Variants in ZNF467 observed in about 807,000 individuals in gnomAD.
The protein encoded by ZNF467 is zinc finger protein 467, also known as zinc finger protein EZI.
In ZNF467, 51 loss-of-function variants were observed where a neutral mutation model predicts 47.8. That is an observed-to-expected ratio of 1.07 (90% CI 0.85 to 1.35). ZNF467 has a LOEUF of 1.35. Among genes scored for constraint, ZNF467 ranks in the 40% most tolerant of loss-of-function variants. ZNF467 has a pLI of 0.00. For missense variants in ZNF467, 992 were observed against 858.1 expected (o/e 1.16, Z -1.95); for synonymous variants, 416 against 372.9 (o/e 1.12, Z -1.33).
At chr7:149,766,983 C>T (rs970691448) in intron 4 of ZNF467, among the ~76,000 whole-genome samples, 1 of 152,204 alleles carries the variant, frequency 6.6e-6, no homozygotes, top group African/African-American at 2.4e-5. Flanking sequence ...AGGGAAGGCC[C>T]TCTAGGGAAG....
At position 149,766,125 on chromosome 7, in the gene ZNF467, T is replaced by G; in HGVS notation, c.377A>C (p.Asp126Ala). 6.2e-7 allele frequency: 1 copy of G among 1,605,984 alleles called. No homozygotes were observed. Among genetic ancestry groups the G allele is most frequent in the Non-Finnish European group, 8.5e-7 (1 of 1,174,650 alleles). ...SLLPSPFPAPDLGHLAAAYKL... is the reference protein window; with the variant it reads ...SLLPSPFPAPALGHLAAAYKL... The stretch of plus-strand genomic sequence containing the variant: ...GTACGCGGCAGCCAGATGCCCCAGG[T>G]CAGGCGCGGGAAAGGGGCTGGGAAG... The change falls in exon 5 of 5, where the codon GAC becomes GCC. Residue 126 changes from aspartate to alanine, a missense_variant. Asp to Ala is a moderately radical substitution (Grantham distance 126). Coordinates refer to ENST00000302017, the MANE Select transcript of ZNF467 (RefSeq NM_207336.3).
At position 149,764,690 on chromosome 7, in the gene ZNF467, A is replaced by G. The variant is rs1472592717; in HGVS notation, c.*24T>C. The G allele has an allele frequency of 1.3e-6, 2 of 1,583,344 alleles. No homozygotes were observed. The highest frequency in any genetic ancestry group is 1.7e-6 in the Non-Finnish European group (2 of 1,161,728). On this transcript the variant is annotated 3_prime_UTR_variant, in exon 5 of 5. Transcript: ENST00000302017. ...CGGGCCTCTCGAAACTGTGGGCAAG[A>G]AAGGGTCCTCGTGAGAACTAGGCTC... is the stretch of plus-strand genomic sequence containing the variant.
rs1376009904 is a variant in ZNF467, at chr7:149,769,172, A to G, written c.180T>C (p.Gly60=). The G allele has an allele frequency of 1.9e-6, 3 of 1,560,796 alleles. No homozygotes were observed. In the African/African-American group the frequency reaches 4.1e-5, roughly 21 times the overall value. ...SGHEAPTPEE[G]AHTEQAEAPC... is the part of the protein sequence containing the mutation. ...GAGCCTCGGCTTGTTCTGTGTGGGCACCTTCCTCCGGTGTAGGGGCCTCGT... is the reference window on the plus strand; with the variant it reads ...GAGCCTCGGCTTGTTCTGTGTGGGCGCCTTCCTCCGGTGTAGGGGCCTCGT... Residue 60 remains glycine, a synonymous_variant, in exon 4 of 5, where the codon GGT becomes GGC. Coordinates refer to ENST00000302017, the MANE Select transcript of ZNF467 (RefSeq NM_207336.3). The surrounding 1 kb of genome is among the most constrained non-coding windows in gnomAD (Gnocchi z 5.3).
At chr7:149,772,123 A>C (rs1585960160) in intron 1 of ZNF467, among the ~76,000 whole-genome samples, 2 of 61,082 alleles carry the variant, frequency 3.3e-5, no homozygotes, top group African/African-American at 6.1e-5. Context: ...TCTTTTCCCC[A>C]ACCCAGTTCT....
At position 149,766,329 on chromosome 7, in the gene ZNF467, G is replaced by A; in HGVS notation, c.263-90C>T. On this transcript the variant is annotated intron_variant, in intron 4 of 4. Transcript: ENST00000302017. Reference sequence around the variant, plus strand: ...GATCTCCACTTCCTGGAGCCCCGCGGTCTGGCTCTGCTCTCCACTCTACCT... The same window carrying A: ...GATCTCCACTTCCTGGAGCCCCGCGATCTGGCTCTGCTCTCCACTCTACCT... 4.7e-6 allele frequency: 7 copies of A among 1,490,698 alleles called. 1 individual carries two copies. The South Asian group carries it at 8.3e-5, about 18-fold the overall frequency. The allele number at this position is 1,490,698 out of a possible 1,614,324, so 92.3% of individuals were successfully genotyped here. A position where few individuals can be genotyped will look rare whatever the true frequency, so the allele number is the denominator to read the frequency against.
At chr7:149,776,009 G>A (rs780851715), upstream of ZNF467, 28 of 1,359,524 alleles carry the variant, frequency 2.1e-5, no homozygotes, top group South Asian at 4.6e-5. Flanking sequence ...CAAGCCTCAC[G>A]TTCCCCAAAG....
In ZNF467 at chr7:149,765,281, A is replaced by C; in HGVS notation, c.1221T>G (p.Pro407=). ...ATCCTGGGCCGCAGCCCGGTCCGCC[A>C]GGCGCGCTGGCCAGGGGCTTGGCGG... The part of the protein sequence containing the change: ...APAAKPLASA[P]GGPGCGPGSD... Residue 407 remains proline (P), a synonymous_variant, in exon 5 of 5, where the codon CCT becomes CCG. Coordinates refer to ENST00000302017, the MANE Select transcript of ZNF467 (RefSeq NM_207336.3). 1 of 1,460,608 alleles carries C rather than the reference A, an allele frequency of 6.8e-7. No homozygotes were observed. The highest frequency in any genetic ancestry group is 1.4e-5 in the South Asian group (1 of 70,384). 90.5% of individuals were successfully genotyped at this position (1,460,608 alleles called of 1,614,324 possible).
At chr7:149,776,075 T>A, upstream of ZNF467, 1 of 1,365,288 alleles carries the variant, frequency 7.3e-7, no homozygotes, top group Non-Finnish European at 9.8e-7. Context: ...TGGGATGGCG[T>A]GGGCCCTGGC....
intron 3 of ZNF467, among the ~76,000 whole-genome samples, chr7:149,770,184 C>T (rs1188022517): frequency 1.3e-5 from 2 of 151,654 alleles, no homozygotes; most frequent in Non-Finnish European, 2.9e-5. Flanking sequence ...TTATTGTTTG[C>T]TGACTCTCTG....
chr7:149,771,216 A>C (rs1799395714), intron 1 of ZNF467, 142 bp from the exon 2 acceptor site: 1 of 660,358 alleles, frequency 1.5e-6, no homozygotes, highest in Non-Finnish European at 2.6e-6. Context: ...AAATTTGGGA[A>C]ACTGGGTTTA....
In ZNF467 at chr7:149,765,236, C is replaced by A; in HGVS notation, c.1266G>T (p.Gln422His). Residue 422 changes from glutamine (Q) to histidine (H), a missense_variant, in exon 5 of 5, where the codon CAG (glutamine) becomes CAT (histidine). Coordinates refer to ENST00000302017, the MANE Select transcript of ZNF467 (RefSeq NM_207336.3). ...AGGACCGCTCGCCCGAGGGGGCGCG[C>A]TGGGGCACCACGGGATCGGATCCTG... ...CGPGSDPVVP[Q>H]RAPSGERSFF... The A allele has an allele frequency of 6.8e-7, 1 of 1,474,742 alleles. No homozygotes were observed. The highest frequency in any genetic ancestry group is 9.0e-7 in the Non-Finnish European group (1 of 1,115,646). 91.4% of individuals were successfully genotyped at this position (1,474,742 alleles called of 1,614,324 possible). A position where few individuals can be genotyped will look rare whatever the true frequency, so the allele number is the denominator to read the frequency against.
chr7:149,771,919 C>T (rs1317085250), intron 1 of ZNF467, among the ~76,000 whole-genome samples: 4 of 150,778 alleles, frequency 2.7e-5, no homozygotes, highest in Non-Finnish European at 5.9e-5. Flanking sequence ...CCTCCGCTGC[C>T]ACCGCCTCCC....
At chr7:149,768,505 C>T (rs1416497581) in intron 4 of ZNF467, among the ~76,000 whole-genome samples, 2 of 152,344 alleles carry the variant, frequency 1.3e-5, no homozygotes, top group Non-Finnish European at 2.9e-5. Context: ...GTACTTAACA[C>T]AGCCTGTATG....
In ZNF467 at chr7:149,766,024, A is replaced by G; in HGVS notation, c.478T>C (p.Tyr160His). ...CGCCGCTCACACTCCCCGCAGCCGT[A>G]GGGCTTCTCCGGCATCGGACCCCAC... ...SGWGPMPEKP[Y>H]GCGECERRFR... The change falls in exon 5 of 5, where the codon TAC (tyrosine) becomes CAC (histidine). Residue 160 changes from tyrosine (Y) to histidine (H), a missense_variant. Coordinates refer to ENST00000302017, the MANE Select transcript of ZNF467 (RefSeq NM_207336.3). The G allele has an allele frequency of 6.3e-7, 1 of 1,584,912 alleles. No individual in the cohort carries two copies. Among genetic ancestry groups the G allele is most frequent in the Non-Finnish European group, 8.6e-7 (1 of 1,165,368 alleles).
rs1268385070 is a variant in ZNF467 at position 149,771,157 on chromosome 7, G to C, written c.-42-83C>G. ...CTGGCTCTGCCCAACCTCTCCCTAT[G>C]GGCTCTTCCAGGAGCTCCAAAGGTG... On this transcript the variant is annotated intron_variant, in intron 1 of 4. Coordinates refer to ENST00000302017, the MANE Select transcript of ZNF467 (RefSeq NM_207336.3). The C allele has an allele frequency of 3.9e-5, 45 of 1,165,762 alleles. 1 individual carries two copies. The South Asian group carries it at 5.1e-4, about 13-fold the overall frequency. The allele number at this position is 1,165,762 out of a possible 1,614,324, so 72.2% of individuals were successfully genotyped here.
Position 149,769,970 on chromosome 7 carries a change from C to G in ZNF467, c.151+470G>C, listed in dbSNP as rs1447114301. ...GAGAATACAGGCATAAGCCACCATG[C>G]CCGGCTTCCCCAAGCTCCTTCAAAT... On this transcript the variant is annotated intron_variant, in intron 3 of 4. Transcript: ENST00000302017. The surrounding 1 kb of genome is among the most constrained non-coding windows in gnomAD (Gnocchi z 5.3). Among the ~76,000 whole-genome samples the G allele has an allele frequency of 6.6e-6, 1 of 152,154 alleles. No homozygotes were observed. The highest frequency in any genetic ancestry group is 6.5e-5 in the Admixed American group (1 of 15,272).
rs562767716 is a variant in ZNF467, at chr7:149,765,806, G to T, written c.696C>A (p.Thr232=). 2 of 1,610,738 alleles carry T rather than the reference G, an allele frequency of 1.2e-6. No homozygotes were observed. Among genetic ancestry groups the T allele is most frequent in the Admixed American group, 3.4e-5 (2 of 59,660 alleles). ...DKRFSKKAHL[T]RHLRTHTGER... ...CGCCCGTGTGCGTGCGCAGGTGGCG[G>T]GTCAGATGGGCCTTCTTGCTGAAGC... The change falls in exon 5 of 5, where the codon ACC becomes ACA. Residue 232 remains threonine (T), a synonymous_variant. Transcript: ENST00000302017.
Position 149,765,361 on chromosome 7 carries a change from C to G in ZNF467, c.1141G>C (p.Gly381Arg), listed in dbSNP as rs1229133872. 6.5e-7 allele frequency: 1 copy of G among 1,545,742 alleles called. No individual in the cohort carries two copies. The highest frequency in any genetic ancestry group is 1.4e-5 in the African/African-American group (1 of 73,524). ...CACTCATCGCACCCAAAGGGGCGACCCTCGCTGCGGTGCAGACACTGGTGC... is the reference window on the plus strand; with the variant it reads ...CACTCATCGCACCCAAAGGGGCGACGCTCGCTGCGGTGCAGACACTGGTGC... ...ATHQCLHRSE[G>R]RPFGCDECAL... The change falls in exon 5 of 5, where the codon GGT (glycine) becomes CGT (arginine). Residue 381 changes from glycine (G) to arginine (R), a missense_variant. By Grantham distance (125) the Gly-to-Arg change is moderately radical. Coordinates refer to ENST00000302017, the MANE Select transcript of ZNF467 (RefSeq NM_207336.3).
chr7:149,768,572 G>A (rs1482960486), intron 4 of ZNF467, among the ~76,000 whole-genome samples: 2 of 152,222 alleles, frequency 1.3e-5, no homozygotes, highest in Non-Finnish European at 2.9e-5. Context: ...GCAAAAGGTA[G>A]TAAGGATGGT....
Sources: gnomAD v4.1 joint callset for allele counts (sites outside exome capture counted in the v4.1 genomes callset) on GRCh38, gnomAD v4.1.1 for gene constraint, Gnocchi (gnomAD v3.1) non-coding constraint, MANE v1.5 for transcripts, NCBI Gene and HGNC (gene_info 2026-07-23, HGNC 2026-07-21) for gene names.